The following PHACTR1 variants were observed in gnomAD, a reference collection of about 807,000 sequenced individuals.
PHACTR1 encodes phosphatase and actin regulator 1, also known as RPEL repeat containing 1.
Under a neutral mutation model 69.2 loss-of-function variants are expected in PHACTR1, and 16 were observed. The ratio of observed to expected loss-of-function variants is 0.23; its 90% CI spans 0.16 to 0.35. PHACTR1 has a LOEUF of 0.35. Ranked by LOEUF, PHACTR1 falls within the 10% of genes least tolerant of loss-of-function variation. PHACTR1 has a pLI of 1.00. For synonymous variants in PHACTR1, 312 were observed against 284.5 expected, an observed-to-expected ratio of 1.10 and a Z score of -0.97; for missense variants, 510 against 734.7, an observed-to-expected ratio of 0.69 and a Z score of 3.54.
chr6:12,977,569 T>C (rs952259158), intron 4 of PHACTR1, among the ~76,000 whole-genome samples: 10 of 152,206 alleles, frequency 6.6e-5, no homozygotes, highest in Admixed American at 3.3e-4. Context: ...AATCCTCCAT[T>C]CAAACAAGGT....
At chr6:13,024,045 C>T (rs1801354635) in intron 4 of PHACTR1, among the ~76,000 whole-genome samples, 2 of 151,636 alleles carry the variant, frequency 1.3e-5, no homozygotes, top group African/African-American at 4.9e-5. Flanking sequence ...CCACTGCACT[C>T]CAGCCTGGGT....
intron 5 of PHACTR1, among the ~76,000 whole-genome samples, chr6:13,131,208 T>TATACAC (rs1820393131): frequency 6.8e-6 from 1 of 146,374 alleles, no homozygotes; most frequent in African/African-American, 2.6e-5. Context: ...TATATACACA[T>TATACAC]ACACACACAC....
rs4053020 is a variant in PHACTR1, at chr6:13,179,701, GAGAT to G, written c.497-2774_497-2771del. ...AGGTAGGTAGATAGATAAGTAGATA[GAGAT>G]AGATAGATAGATAGATAGATAGATA... On this transcript the variant is annotated intron_variant, in intron 6 of 14. Transcript: ENST00000332995. This position sits in a 1 kb window ranked among gnomAD's most constrained non-coding sequence, Gnocchi z 4.2. 0.28 allele frequency among the ~76,000 whole-genome samples: 41,834 copies of G among 148,084 alleles called. 5,883 individuals are homozygous for G. The highest frequency in any genetic ancestry group is 0.35 in the South Asian group (1,597 of 4,624).
intron 5 of PHACTR1, among the ~76,000 whole-genome samples, chr6:13,134,036 G>A (rs538292054): frequency 1.7e-4 from 26 of 151,346 alleles, no homozygotes; most frequent in African/African-American, 6.1e-4. Flanking sequence ...CACCCCATCT[G>A]GTAGGTGAGG....
At chr6:13,050,733 G>A (rs374083328) in intron 4 of PHACTR1, among the ~76,000 whole-genome samples, 1 of 152,158 alleles carries the variant, frequency 6.6e-6, no homozygotes, top group African/African-American at 2.4e-5. Flanking sequence ...TGGCTGCAAA[G>A]TTCTTGTCCC....
rs1322402598 is a variant in PHACTR1, at chr6:13,184,946, T to A, written c.664+2260T>A. ...ACCCCAGTGAAGCAGCTGCCCCTTC[T>A]CAAGCAGCCCCCGGCCCTGCCTCCC... On this transcript the variant is annotated intron_variant, in intron 7 of 14. Transcript: ENST00000332995. 1.5e-6 allele frequency: 2 copies of A among 1,366,552 alleles called. No homozygotes were observed. The highest frequency in any genetic ancestry group is 2.0e-6 in the Non-Finnish European group (2 of 1,021,818). The allele number at this position is 1,366,552 out of a possible 1,614,324, so 84.7% of individuals were successfully genotyped here. A position where few individuals can be genotyped will look rare whatever the true frequency, so the allele number is the denominator to read the frequency against.
At chr6:12,789,681 A>C (rs1309396732) in intron 4 of PHACTR1, among the ~76,000 whole-genome samples, 1 of 150,702 alleles carries the variant, frequency 6.6e-6, no homozygotes, top group Non-Finnish European at 1.5e-5. Context: ...GTCGATGGCT[A>C]CTCCATCTTT....
chr6:13,228,607 A>C (rs553343482), intron 9 of PHACTR1, among the ~76,000 whole-genome samples: 21 of 152,366 alleles, frequency 1.4e-4, no homozygotes, highest in African/African-American at 5.0e-4. Context: ...TAGTTACGTG[A>C]GTACAGCCTG....
At chr6:13,013,601 A>T (rs1156927528) in intron 4 of PHACTR1, among the ~76,000 whole-genome samples, 1 of 151,930 alleles carries the variant, frequency 6.6e-6, no homozygotes, top group East Asian at 1.9e-4. Context: ...CCAGAGGAGG[A>T]TGTGCACGTG....
At chr6:13,184,334 C>G (rs1440582485) in intron 7 of PHACTR1, among the ~76,000 whole-genome samples, 1 of 152,186 alleles carries the variant, frequency 6.6e-6, no homozygotes, top group African/African-American at 2.4e-5. Context: ...AATCCACTCC[C>G]TCTTGCCCCT....
intron 4 of PHACTR1, among the ~76,000 whole-genome samples, chr6:13,050,295 A>G (rs946485921): frequency 2.0e-5 from 3 of 152,212 alleles, no homozygotes; most frequent in Non-Finnish European, 2.9e-5. Context: ...CTCTTCAGCC[A>G]TTCCACAACC....
chr6:13,176,797 A>G (rs548831442), intron 6 of PHACTR1, among the ~76,000 whole-genome samples: 1 of 152,166 alleles, frequency 6.6e-6, no homozygotes, highest in South Asian at 2.1e-4. Context: ...ATATAAAGCA[A>G]TTCTTCATAG....
chr6:12,961,869 C>T (rs983671847), intron 4 of PHACTR1, among the ~76,000 whole-genome samples: 4 of 152,172 alleles, frequency 2.6e-5, no homozygotes, highest in African/African-American at 9.7e-5. Flanking sequence ...CTCATCCTCC[C>T]ACATAGTTGT....
rs1173847101 is a variant in PHACTR1 at position 13,182,571 on chromosome 6, C to T, written c.549C>T (p.Ser183=). ...NEEDSLENGQ[S]LSSSQLSLPA... is the part of the protein sequence containing the mutation. ...AGGACTCCCTAGAAAATGGGCAGTC[C>T]CTGAGCTCCAGCCAGCTGTCTCTGC... Residue 183 remains serine, a synonymous_variant, in exon 7 of 15, where the codon TCC becomes TCT. Coordinates refer to ENST00000332995, the MANE Select transcript of PHACTR1 (RefSeq NM_030948.6). The T allele has an allele frequency of 6.2e-7, 1 of 1,613,754 alleles. No homozygotes were observed. Among genetic ancestry groups the T allele is most frequent in the Non-Finnish European group, 8.5e-7 (1 of 1,179,760 alleles).
At chr6:13,222,070 G>A (rs917619088) in intron 8 of PHACTR1, among the ~76,000 whole-genome samples, 2 of 151,964 alleles carry the variant, frequency 1.3e-5, no homozygotes, top group African/African-American at 2.4e-5. Context: ...ACTCCATCTC[G>A]GAGGTTAGGA....
Position 13,287,189 on chromosome 6 carries a change from C to T in PHACTR1, c.*111C>T. On this transcript the variant is annotated 3_prime_UTR_variant, in exon 15 of 15. Transcript: ENST00000332995. Reference sequence around the variant, plus strand: ...TTACGATGTAAATCTTCTGAACTGCCTTTTTTTTAAAAAGAAGAAAAATCA... The same window carrying T: ...TTACGATGTAAATCTTCTGAACTGCTTTTTTTTTAAAAAGAAGAAAAATCA... The T allele has an allele frequency of 2.8e-6, 3 of 1,084,118 alleles. No homozygotes were observed. The highest frequency in any genetic ancestry group is 3.9e-6 in the Non-Finnish European group (3 of 764,786). 67.2% of individuals were successfully genotyped at this position (1,084,118 alleles called of 1,614,324 possible). A position where few individuals can be genotyped will look rare whatever the true frequency, so the allele number is the denominator to read the frequency against.
At chr6:12,920,159 G>A (rs1459014989) in intron 4 of PHACTR1, among the ~76,000 whole-genome samples, 1 of 152,202 alleles carries the variant, frequency 6.6e-6, no homozygotes, top group Non-Finnish European at 1.5e-5. Flanking sequence ...CAAATTTGCT[G>A]AAAGTTTCCA....
Position 12,955,417 on chromosome 6 carries a change from C to A in PHACTR1, c.251-97948C>A, listed in dbSNP as rs1791783222. 2.0e-5 allele frequency among the ~76,000 whole-genome samples: 3 copies of A among 152,120 alleles called. No homozygotes were observed. The East Asian group carries it at 5.8e-4, about 29-fold the overall frequency. On this transcript the variant is annotated intron_variant, in intron 4 of 14. Transcript: ENST00000332995. ...ACGGGGTCTTGCTATGTTGCCCAGA[C>A]TGGTCTCAAACTCCTATTCTCGCCT...
chr6:13,282,687 A>T (rs1316116774), intron 12 of PHACTR1, among the ~76,000 whole-genome samples: 1 of 152,156 alleles, frequency 6.6e-6, no homozygotes, highest in Non-Finnish European at 1.5e-5. Context: ...TCTAAAACCC[A>T]CACAAAATGC....
Sources: gnomAD v4.1 joint callset for allele counts (sites outside exome capture counted in the v4.1 genomes callset) on GRCh38, gnomAD v4.1.1 for gene constraint, Gnocchi (gnomAD v3.1) non-coding constraint, MANE v1.5 for transcripts, NCBI Gene and HGNC (gene_info 2026-07-23, HGNC 2026-07-21) for gene names.